Variants in JAK1 observed in about 807,000 individuals in gnomAD.
JAK1 encodes Janus kinase 1, also known as tyrosine-protein kinase JAK1.
In JAK1, 16 loss-of-function variants were observed where a neutral mutation model predicts 136.6. The ratio of observed to expected loss-of-function variants is 0.12; its 90% CI spans 0.08 to 0.18. The LOEUF (loss-of-function observed/expected upper bound fraction) is 0.18, where lower values mean the gene tolerates loss of function less well. Ranked by LOEUF, JAK1 falls within the 10% of genes least tolerant of loss-of-function variation. The pLI, the probability that JAK1 is intolerant of heterozygous loss-of-function variation, is 1.00. For synonymous variants in JAK1, 492 were observed against 519.5 expected (o/e 0.95, Z 0.72); for missense variants, 859 against 1,450.1 (o/e 0.59, Z 6.62).
intron 9 of JAK1, among the ~76,000 whole-genome samples, chr1:64,859,062 G>A (rs1282528298): frequency 6.6e-6 from 1 of 152,336 alleles, no homozygotes; most frequent in East Asian, 1.9e-4. Flanking sequence ...CATTCTTTGT[G>A]TGTCTGTTTC....
intron 2 of JAK1, among the ~76,000 whole-genome samples, chr1:65,037,380 C>G (rs527469777): frequency 2.0e-5 from 3 of 152,100 alleles, no homozygotes; most frequent in Non-Finnish European, 4.4e-5. Context: ...CCTGGCTCAA[C>G]TCCTCCTGCC....
intron 2 of JAK1, among the ~76,000 whole-genome samples, chr1:65,022,299 AT>A (rs1177486962): frequency 6.6e-6 from 1 of 152,052 alleles, no homozygotes; most frequent in Non-Finnish European, 1.5e-5. Flanking sequence ...CCACATTGCC[AT>A]TTTTTTATTT....
chr1:64,905,784 T>C (rs749114515), intron 1 of JAK1, among the ~76,000 whole-genome samples: 4 of 152,214 alleles, frequency 2.6e-5, no homozygotes, highest in Non-Finnish European at 4.4e-5. Context: ...GATGTGTGTT[T>C]ATGTGTACCT....
At chr1:64,983,318 G>A (rs765526949) in intron 2 of JAK1, among the ~76,000 whole-genome samples, 4 of 152,054 alleles carry the variant, frequency 2.6e-5, no homozygotes. Context: ...AAGGGCACTC[G>A]GCACAGGACC....
chr1:64,971,697 T>C (rs1279109908), intron 2 of JAK1, among the ~76,000 whole-genome samples: 1 of 152,194 alleles, frequency 6.6e-6, no homozygotes, highest in Non-Finnish European at 1.5e-5. Flanking sequence ...TAGCTGGGAT[T>C]ACAGGCACGT....
At chr1:64,964,818 G>C (rs1256473123) in intron 1 of JAK1, among the ~76,000 whole-genome samples, 1 of 152,110 alleles carries the variant, frequency 6.6e-6, no homozygotes, top group Non-Finnish European at 1.5e-5. Flanking sequence ...ATGTGATCTG[G>C]ATCTATACAG....
intron 1 of JAK1, among the ~76,000 whole-genome samples, chr1:64,888,744 TAAAATGGTATAGATTTGTGATG>T (rs1644889953): frequency 6.6e-6 from 1 of 152,188 alleles, no homozygotes; most frequent in South Asian, 2.1e-4. Flanking sequence ...AACACAACAG[TAAAATGGTATAGATTTGTGATG>T]CTTAGCCTAG....
intron 1 of JAK1, among the ~76,000 whole-genome samples, chr1:64,910,954 A>G (rs753454055): frequency 6.6e-6 from 1 of 151,924 alleles, no homozygotes; most frequent in Non-Finnish European, 1.5e-5. Context: ...CCACAAAGCC[A>G]TTTCCCGCTG....
chr1:64,961,908 T>C (rs752447500), intron 1 of JAK1, among the ~76,000 whole-genome samples: 2 of 152,192 alleles, frequency 1.3e-5, no homozygotes, highest in African/African-American at 2.4e-5. Flanking sequence ...CTATGTCTTA[T>C]CCTTCTGCCA....
At chr1:64,897,647 A>G (rs1006337069) in intron 1 of JAK1, among the ~76,000 whole-genome samples, 2 of 150,542 alleles carry the variant, frequency 1.3e-5, no homozygotes, top group African/African-American at 4.9e-5. Context: ...TAGAACCAAA[A>G]AAGATGAGGT....
At chr1:64,853,912 G>A (rs938724444) in intron 11 of JAK1, among the ~76,000 whole-genome samples, 4 of 152,214 alleles carry the variant, frequency 2.6e-5, no homozygotes, top group African/African-American at 4.8e-5. Context: ...AACACATTCA[G>A]CACTGAGTTT....
rs1309888975 is a variant in JAK1 at position 64,834,492 on chromosome 1, A to AAAT, written c.*67_*69dup. On this transcript the variant is annotated 3_prime_UTR_variant, in exon 25 of 25. Coordinates refer to ENST00000342505, the MANE Select transcript of JAK1 (RefSeq NM_002227.4). ...ACTTCTTTCATTAGAAATTTTTAAA[A>AAAT]AATGACTTGGGCATTTGTTGCAGGA... is the stretch of plus-strand genomic sequence containing the variant. 1.8e-6 allele frequency: 2 copies of AAAT among 1,083,786 alleles called. No individual in the cohort carries two copies. The highest frequency in any genetic ancestry group is 2.8e-6 in the Non-Finnish European group (2 of 718,728). 67.1% of individuals were successfully genotyped at this position (1,083,786 alleles called of 1,614,324 possible). A position where few individuals can be genotyped will look rare whatever the true frequency, so the allele number is the denominator to read the frequency against.
intron 2 of JAK1, among the ~76,000 whole-genome samples, chr1:65,009,969 A>G (rs1646834918): frequency 6.6e-6 from 1 of 152,174 alleles, no homozygotes; most frequent in African/African-American, 2.4e-5. Context: ...AGTGTACTGC[A>G]ATGGATTATT....
At chr1:64,992,868 G>A (rs1283309478) in intron 2 of JAK1, 3 of 135,736 alleles carry the variant, frequency 2.2e-5, no homozygotes, top group Admixed American at 1.7e-4. Flanking sequence ...CAGCCTGGGC[G>A]ACAGAGCGAG....
At chr1:65,000,797 T>C (rs960704340) in intron 2 of JAK1, among the ~76,000 whole-genome samples, 8 of 152,176 alleles carry the variant, frequency 5.3e-5, no homozygotes, top group African/African-American at 1.9e-4. Flanking sequence ...CTGGAAAAAA[T>C]CTGATTTTTC....
chr1:65,044,151 C>T (rs1236549788), intron 2 of JAK1, among the ~76,000 whole-genome samples: 1 of 152,128 alleles, frequency 6.6e-6, no homozygotes, highest in Non-Finnish European at 1.5e-5. Flanking sequence ...ACCACTGTGC[C>T]CAGCCCTATT....
chr1:65,038,200 T>C (rs1371025122), intron 2 of JAK1, among the ~76,000 whole-genome samples: 2 of 139,762 alleles, frequency 1.4e-5, no homozygotes, highest in Non-Finnish European at 3.0e-5. Flanking sequence ...TTTCTTTTCT[T>C]TTTTTTTTTT....
chr1:64,973,420 A>G (rs1481128361), intron 2 of JAK1, among the ~76,000 whole-genome samples: 1 of 151,918 alleles, frequency 6.6e-6, no homozygotes, highest in African/African-American at 2.4e-5. Context: ...GGAGGAGGGC[A>G]TAAACATTCT....
At chr1:64,868,412 T>C (rs545931366) in intron 6 of JAK1, among the ~76,000 whole-genome samples, 1 of 152,304 alleles carries the variant, frequency 6.6e-6, no homozygotes, top group South Asian at 2.1e-4. Context: ...CCTCAACAAA[T>C]GTTATTTTTC....
Sources: allele counts gnomAD v4.1 joint callset (sites outside exome capture counted in the v4.1 genomes callset), GRCh38; gene constraint gnomAD v4.1.1; transcripts MANE v1.5; gene names NCBI Gene and HGNC (gene_info 2026-07-23, HGNC 2026-07-21).